SLC44A5: variants seen among roughly 807,000 people sequenced by gnomAD.
SLC44A5 encodes the protein choline transporter-like protein 5.
In SLC44A5, 57 loss-of-function variants were observed where a neutral mutation model predicts 101.8. The observed-to-expected ratio is 0.56, with a 90% confidence interval of 0.45 to 0.70. The LOEUF is 0.70. Among genes scored for constraint, SLC44A5 ranks in the 30% least tolerant of loss-of-function variants. The pLI, the probability that SLC44A5 is intolerant of heterozygous loss-of-function variation, is 0.00. For missense variants in SLC44A5, 737 were observed against 853.1 expected (o/e 0.86, Z 1.70); for synonymous variants, 281 against 290.9 (o/e 0.97, Z 0.35).
chr1:75,288,143 A>G (rs1653229538), intron 5 of SLC44A5, among the ~76,000 whole-genome samples: 2 of 152,220 alleles, frequency 1.3e-5, no homozygotes, highest in African/African-American at 2.4e-5. Context: ...TAATTTCACC[A>G]TCTTTCTTTT....
intron 3 of SLC44A5, among the ~76,000 whole-genome samples, chr1:75,365,454 G>A (rs1441441921): frequency 6.6e-6 from 1 of 152,124 alleles, no homozygotes; most frequent in Non-Finnish European, 1.5e-5. Context: ...AGTTTGCTAA[G>A]GATGATGGCC....
the SLC44A5 span, among the ~76,000 whole-genome samples, chr1:75,690,086 G>A: frequency 6.6e-6 from 1 of 152,098 alleles, no homozygotes; most frequent in East Asian, 1.9e-4. Flanking sequence ...TTAAGAATAA[G>A]GAATGGTGTT....
At chr1:75,281,174 T>G (rs1292153875) in intron 5 of SLC44A5, among the ~76,000 whole-genome samples, 2 of 152,088 alleles carry the variant, frequency 1.3e-5, no homozygotes, top group Non-Finnish European at 2.9e-5. Context: ...TTGACCAAAA[T>G]GCTGATAGTG....
rs148426274 is a variant in SLC44A5 at position 75,414,360 on chromosome 1, T to C, written c.14-17739A>G. Reference sequence around the variant, plus strand: ...ACACACACACACACACACACACATATATCTTTTCCTCTTGTGAAGAGAGAG... The same window carrying C: ...ACACACACACACACACACACACATACATCTTTTCCTCTTGTGAAGAGAGAG... On this transcript the variant is annotated intron_variant, in intron 2 of 23. Transcript: ENST00000370859. Among the ~76,000 whole-genome samples the C allele has an allele frequency of 2.1e-4, 32 of 149,598 alleles. 1 individual carries two copies. The East Asian group carries it at 6.0e-3, about 28-fold the overall frequency.
chr1:75,388,207 G>A (rs1274899677), intron 3 of SLC44A5, among the ~76,000 whole-genome samples: 1 of 67,736 alleles, frequency 1.5e-5, no homozygotes, highest in South Asian at 4.1e-4. Context: ...AACTTAAAGT[G>A]TAATAAATAA....
chr1:75,333,028 G>C lies in SLC44A5; in HGVS notation c.101+6554C>G, dbSNP rs145922565. Reference sequence around the variant, plus strand: ...TACGAAGGTGGGGCTCATTATCATAGAAAATTATGATTGAAAACCTATAGA... The same window carrying C: ...TACGAAGGTGGGGCTCATTATCATACAAAATTATGATTGAAAACCTATAGA... On this transcript the variant is annotated intron_variant, in intron 4 of 23. Transcript: ENST00000370859. Among the ~76,000 whole-genome samples, 38 of 151,836 alleles carry C rather than the reference G, an allele frequency of 2.5e-4. No homozygotes were observed. In the East Asian group the frequency reaches 7.2e-3, roughly 29 times the overall value.
chr1:75,251,260 G>GT lies in SLC44A5; in HGVS notation c.294dup (p.Arg99ThrfsTer52). The GT allele has an allele frequency of 1.2e-6, 2 of 1,613,332 alleles. No individual in the cohort carries two copies. Among genetic ancestry groups the GT allele is most frequent in the South Asian group, 2.2e-5 (2 of 91,008 alleles). On this transcript the variant is annotated frameshift_variant, in exon 7 of 24. Transcript: ENST00000370859. LOFTEE classifies it high-confidence loss of function. The stretch of plus-strand genomic sequence containing the variant: ...AGCAACACGGAGGGACTGGTACAGC[G>GT]TAACAGGTTAAAGTAAAACAAAATG...
At chr1:75,440,919 C>A (rs1011800358) in intron 2 of SLC44A5, among the ~76,000 whole-genome samples, 4 of 150,914 alleles carry the variant, frequency 2.7e-5, no homozygotes, top group African/African-American at 7.3e-5. Context: ...GGTTATAATA[C>A]AAATATTAAT....
intron 2 of SLC44A5, among the ~76,000 whole-genome samples, chr1:75,465,959 CTAA>C (rs1374574234): frequency 6.6e-6 from 1 of 152,112 alleles, no homozygotes; most frequent in African/African-American, 2.4e-5. Flanking sequence ...CAAAGAAAAG[CTAA>C]TATCGATTTT....
At position 75,443,175 on chromosome 1, in the gene SLC44A5, T is replaced by G. The variant is rs181323063; in HGVS notation, c.14-46554A>C. On this transcript the variant is annotated intron_variant, in intron 2 of 23. Coordinates refer to ENST00000370859, the MANE Select transcript of SLC44A5 (RefSeq NM_001130058.2). ...TATGGTTTAAGCTAAACCTGTAGCCTTACATGCTTATATTAGAAAATAAGA... is the reference window on the plus strand; with the variant it reads ...TATGGTTTAAGCTAAACCTGTAGCCGTACATGCTTATATTAGAAAATAAGA... 3.7e-3 allele frequency among the ~76,000 whole-genome samples: 559 copies of G among 152,224 alleles called. 14 individuals are homozygous for G. Among genetic ancestry groups the G allele is most frequent in the Admixed American group, 0.034 (525 of 15,272 alleles).
intron 1 of SLC44A5, among the ~76,000 whole-genome samples, chr1:75,576,193 A>T (rs1001558262): frequency 6.6e-6 from 1 of 152,142 alleles, no homozygotes; most frequent in Non-Finnish European, 1.5e-5. Context: ...TATAAAAGAA[A>T]TAGAGATGAG....
chr1:75,373,983 A>G (rs1201873655), intron 3 of SLC44A5, among the ~76,000 whole-genome samples: 1 of 152,148 alleles, frequency 6.6e-6, no homozygotes, highest in Non-Finnish European at 1.5e-5. Flanking sequence ...ATGTGGTGGC[A>G]TGGGAGCTGG....
At chr1:75,235,954 AAC>A (rs765430570) in intron 11 of SLC44A5, among the ~76,000 whole-genome samples, 1 of 152,070 alleles carries the variant, frequency 6.6e-6, no homozygotes, top group Non-Finnish European at 1.5e-5. Context: ...TAGGTGTGTA[AAC>A]ACACACATGT....
At chr1:75,315,809 C>T (rs1173411552) in intron 4 of SLC44A5, among the ~76,000 whole-genome samples, 1 of 152,142 alleles carries the variant, frequency 6.6e-6, no homozygotes, top group Non-Finnish European at 1.5e-5. Flanking sequence ...TTCTCCTTAA[C>T]TATCTCTGCC....
chr1:75,491,864 C>T (rs919491718), intron 2 of SLC44A5, among the ~76,000 whole-genome samples: 3 of 152,124 alleles, frequency 2.0e-5, no homozygotes, highest in African/African-American at 7.2e-5. Context: ...GAAAGAGGGA[C>T]TTGATTTTAA....
intron 5 of SLC44A5, among the ~76,000 whole-genome samples, chr1:75,287,128 GT>G (rs1039090429): frequency 2.0e-5 from 3 of 150,438 alleles, no homozygotes; most frequent in East Asian, 2.0e-4. Flanking sequence ...TGGAGGCTTT[GT>G]TTTTTTTTAA....
chr1:75,584,896 G>T (rs1673909769), intron 1 of SLC44A5, among the ~76,000 whole-genome samples: 1 of 152,020 alleles, frequency 6.6e-6, no homozygotes, highest in African/African-American at 2.4e-5. Flanking sequence ...CATGCCCAGT[G>T]GGGTTTTTAC....
chr1:75,328,526 G>A (rs1443115572), intron 4 of SLC44A5, among the ~76,000 whole-genome samples: 1 of 152,132 alleles, frequency 6.6e-6, no homozygotes, highest in East Asian at 1.9e-4. Flanking sequence ...CACCATGTAT[G>A]GGCTACCTCC....
At chr1:75,536,992 C>T (rs1175274177) in intron 2 of SLC44A5, among the ~76,000 whole-genome samples, 2 of 82,974 alleles carry the variant, frequency 2.4e-5, no homozygotes, top group African/African-American at 4.6e-5. Context: ...GGCGACAGAG[C>T]GAGACTCCAT....
Sources: gnomAD v4.1 joint callset for allele counts (sites outside exome capture counted in the v4.1 genomes callset) on GRCh38, gnomAD v4.1.1 for gene constraint, MANE v1.5 for transcripts, NCBI Gene and HGNC (gene_info 2026-07-23, HGNC 2026-07-21) for gene names.